The following CNTNAP4 variants were observed in gnomAD, a reference collection of about 807,000 sequenced individuals.
CNTNAP4 encodes contactin associated protein family member 4, also known as contactin-associated protein-like 4.
In CNTNAP4, 98 loss-of-function variants were observed where a neutral mutation model predicts 148.4. That is an observed-to-expected ratio of 0.66 (90% CI 0.56 to 0.78). The LOEUF (loss-of-function observed/expected upper bound fraction) is 0.78, where lower values mean the gene tolerates loss of function less well. Among genes scored for constraint, CNTNAP4 ranks in the 30% least tolerant of loss-of-function variants. The pLI is 0.00. For synonymous variants in CNTNAP4, 730 were observed against 565.1 expected (o/e 1.29, Z -4.14); for missense variants, 1,935 against 1,565.6 (o/e 1.24, Z -3.98).
In CNTNAP4 at chr16:76,560,383, T is replaced by C. The variant is rs889139620; in HGVS notation, c.*1700T>C. 4.6e-5 allele frequency among the ~76,000 whole-genome samples: 7 copies of C among 152,200 alleles called. No individual in the cohort carries two copies. Among genetic ancestry groups the C allele is most frequent in the Non-Finnish European group, 8.8e-5 (6 of 68,016 alleles). On this transcript the variant is annotated 3_prime_UTR_variant, in exon 24 of 24. Transcript: ENST00000611870. ...TAAATCTTAAGAACCTGAATTAACATAGTAGTTTACGAAGGACTAAGGACC... is the reference window on the plus strand; with the variant it reads ...TAAATCTTAAGAACCTGAATTAACACAGTAGTTTACGAAGGACTAAGGACC...
At chr16:76,386,772 G>A (rs921098963) in intron 3 of CNTNAP4, among the ~76,000 whole-genome samples, 3 of 152,154 alleles carry the variant, frequency 2.0e-5, no homozygotes, top group Non-Finnish European at 4.4e-5. Context: ...ATTGTAGATG[G>A]ATTTTAGGTT....
chr16:76,468,252 T>A (rs939681616), intron 10 of CNTNAP4, among the ~76,000 whole-genome samples: 2 of 151,998 alleles, frequency 1.3e-5, no homozygotes, highest in Admixed American at 1.3e-4. Context: ...GGCAGGTGCA[T>A]CACCTGAAAT....
At chr16:76,512,304 G>T (rs933006802) in intron 15 of CNTNAP4, among the ~76,000 whole-genome samples, 10 of 152,146 alleles carry the variant, frequency 6.6e-5, no homozygotes, top group Non-Finnish European at 1.3e-4. Context: ...AGATTAAATA[G>T]GGAAAGCTCA....
intron 21 of CNTNAP4, among the ~76,000 whole-genome samples, chr16:76,542,709 A>G (rs1460081401): frequency 2.6e-5 from 4 of 152,200 alleles, no homozygotes; most frequent in African/African-American, 9.6e-5. Flanking sequence ...TCCTCACTTA[A>G]GCCTACCTGC....
intron 2 of CNTNAP4, among the ~76,000 whole-genome samples, chr16:76,336,457 G>C (rs562585153): frequency 6.6e-6 from 1 of 152,224 alleles, no homozygotes; most frequent in Non-Finnish European, 1.5e-5. Flanking sequence ...AAAAGAAAAA[G>C]TTATTAAACA....
intron 2 of CNTNAP4, among the ~76,000 whole-genome samples, chr16:76,331,251 G>A (rs1032128913): frequency 6.6e-6 from 1 of 151,512 alleles, no homozygotes; most frequent in Admixed American, 6.6e-5. Context: ...GCAGTGGCGC[G>A]ATCTCGGCTC....
chr16:76,375,450 T>G (rs2015321833), intron 3 of CNTNAP4, among the ~76,000 whole-genome samples: 1 of 152,174 alleles, frequency 6.6e-6, no homozygotes, highest in Non-Finnish European at 1.5e-5. Context: ...GAAATATATT[T>G]ATTCTATCTC....
At chr16:76,425,517 C>T (rs2079356513) in intron 3 of CNTNAP4, among the ~76,000 whole-genome samples, 1 of 151,946 alleles carries the variant, frequency 6.6e-6, no homozygotes, top group Non-Finnish European at 1.5e-5. Flanking sequence ...GATAAACAGG[C>T]AGATAATGAT....
rs143927202 is a variant in CNTNAP4 at position 76,448,929 on chromosome 16, A to G, written c.905A>G (p.Asn302Ser). The G allele has an allele frequency of 2.2e-5, 35 of 1,613,464 alleles. No individual in the cohort carries two copies. The East Asian group carries it at 2.5e-4, about 11-fold the overall frequency. The stretch of plus-strand genomic sequence containing the variant: ...CATTTCCATGCACGGGGAGAATTCA[A>G]TCTCATGAATCTTGATTATGAGGTG... Reference protein sequence around the residue: ...RHHFHARGEFNLMNLDYEISF... With the variant: ...RHHFHARGEFSLMNLDYEISF... The change falls in exon 6 of 24, where the codon AAT becomes AGT. Residue 302 changes from asparagine (N) to serine (S), a missense_variant. Physicochemically the swap from Asn to Ser is conservative, Grantham distance 46 (BLOSUM62 1). Transcript: ENST00000611870.
intron 3 of CNTNAP4, among the ~76,000 whole-genome samples, chr16:76,372,665 T>C (rs539183484): frequency 6.6e-6 from 1 of 152,282 alleles, no homozygotes; most frequent in East Asian, 1.9e-4. Flanking sequence ...ACATGCCTTC[T>C]GCCATGATTG....
intron 3 of CNTNAP4, among the ~76,000 whole-genome samples, chr16:76,388,621 A>C (rs947812616): frequency 6.1e-4 from 93 of 152,346 alleles, no homozygotes; most frequent in Middle Eastern, 3.4e-3. Context: ...TATTTTATGC[A>C]TAATGTCTGA....
chr16:76,305,545 C>T (rs966382774), intron 1 of CNTNAP4, among the ~76,000 whole-genome samples: 11 of 152,128 alleles, frequency 7.2e-5, no homozygotes, highest in South Asian at 6.2e-4. Flanking sequence ...GCTCTAAATT[C>T]CCCATCCTTA....
At chr16:76,373,780 A>T (rs2015113807) in intron 3 of CNTNAP4, among the ~76,000 whole-genome samples, 1 of 151,810 alleles carries the variant, frequency 6.6e-6, no homozygotes, top group Non-Finnish European at 1.5e-5. Context: ...CTGTAATCCC[A>T]GCTACTTGGG....
intron 9 of CNTNAP4, 128 bp downstream of exon 9, chr16:76,462,233 A>G (rs1037161110): frequency 3.3e-6 from 3 of 901,722 alleles, no homozygotes; most frequent in Non-Finnish European, 4.8e-6. Context: ...GTCTTTGATC[A>G]CGGACATTTT....
At chr16:76,301,669 G>A (rs1355989631) in intron 1 of CNTNAP4, among the ~76,000 whole-genome samples, 1 of 152,148 alleles carries the variant, frequency 6.6e-6, no homozygotes, top group African/African-American at 2.4e-5. Context: ...GGGTAAATCA[G>A]TCACTGTGAC....
At chr16:76,422,705 T>C (rs1366668439) in intron 3 of CNTNAP4, among the ~76,000 whole-genome samples, 1 of 151,680 alleles carries the variant, frequency 6.6e-6, no homozygotes, top group Non-Finnish European at 1.5e-5. Context: ...ACATAACCTC[T>C]ATAATTTTCA....
intron 3 of CNTNAP4, among the ~76,000 whole-genome samples, chr16:76,405,506 T>C (rs935174002): frequency 2.0e-5 from 3 of 152,234 alleles, no homozygotes; most frequent in Non-Finnish European, 4.4e-5. Flanking sequence ...GTATTTTGTA[T>C]ATGAGTTATA....
At chr16:76,553,524 C>T (rs370920548) in intron 22 of CNTNAP4, 23 bp downstream of exon 22, 9 of 1,535,658 alleles carry the variant, frequency 5.9e-6, no homozygotes, top group African/African-American at 4.1e-5. Flanking sequence ...TCTTCCTCTA[C>T]TCAGTCACAG....
intron 8 of CNTNAP4, among the ~76,000 whole-genome samples, chr16:76,453,713 C>G (rs567306024): frequency 1.3e-5 from 2 of 151,818 alleles, no homozygotes; most frequent in Non-Finnish European, 2.9e-5. Flanking sequence ...AAATTAAATA[C>G]GAGAAAACAA....
Sources: gnomAD v4.1 joint callset for allele counts (sites outside exome capture counted in the v4.1 genomes callset) on GRCh38, gnomAD v4.1.1 for gene constraint, MANE v1.5 for transcripts, NCBI Gene and HGNC (gene_info 2026-07-23, HGNC 2026-07-21) for gene names.